CNTN3: variants seen among roughly 807,000 people sequenced by gnomAD.
CNTN3 encodes contactin 3, also known as contactin-3.
Under a neutral mutation model 119.1 loss-of-function variants are expected in CNTN3, and 60 were observed. The observed-to-expected ratio is 0.50, with a 90% CI of 0.41 to 0.62. CNTN3 has a LOEUF of 0.62. CNTN3 is among the 20% of genes least tolerant of loss of function. The probability of loss-of-function intolerance (pLI) is 0.00; values close to 1 mark genes in which losing one functional copy is unlikely to be tolerated. For synonymous variants in CNTN3, 450 were observed against 438.7 expected (o/e 1.03, Z -0.32); for missense variants, 1,101 against 1,242.4 (o/e 0.89, Z 1.71).
Position 74,378,265 on chromosome 3 carries a change from A to G in CNTN3, c.455-6866T>C, listed in dbSNP as rs1075109. Among the ~76,000 whole-genome samples the G allele has an allele frequency of 7.8e-4, 119 of 152,300 alleles. 2 individuals carry two copies. In the East Asian group the frequency reaches 0.021, roughly 27 times the overall value. ...AAAACTAAGGATAATTTAAGGTTCA[A>G]ATAACACATAGTCAATGGTTAGGAT... is the stretch of plus-strand genomic sequence containing the variant. On this transcript the variant is annotated intron_variant, in intron 5 of 22. Coordinates refer to ENST00000263665, the MANE Select transcript of CNTN3 (RefSeq NM_020872.3).
chr3:74,336,693 A>C, intron 11 of CNTN3, 35 bp from the exon 12 acceptor site: 1 of 1,513,082 alleles, frequency 6.6e-7, no homozygotes, highest in Non-Finnish European at 9.0e-7. Context: ...ATAAATATAT[A>C]ATAGCCATTT....
intron 4 of CNTN3, among the ~76,000 whole-genome samples, chr3:74,477,918 A>G (rs1319094342): frequency 6.6e-6 from 1 of 152,182 alleles, no homozygotes; most frequent in East Asian, 1.9e-4. Flanking sequence ...GGTGCAAGGG[A>G]AACAGTAAAC....
chr3:74,472,931 C>T (rs1163709931), intron 4 of CNTN3, among the ~76,000 whole-genome samples: 4 of 152,018 alleles, frequency 2.6e-5, no homozygotes, highest in Non-Finnish European at 4.4e-5. Flanking sequence ...AGCTAATTGT[C>T]GGTAATTTTT....
intron 4 of CNTN3, among the ~76,000 whole-genome samples, chr3:74,479,808 C>A (rs938009645): frequency 6.6e-6 from 1 of 151,916 alleles, no homozygotes; most frequent in Non-Finnish European, 1.5e-5. Flanking sequence ...ACTCTGATGG[C>A]TCTAGGATAT....
chr3:74,397,692 C>A (rs1705091125), intron 5 of CNTN3, among the ~76,000 whole-genome samples: 3 of 152,178 alleles, frequency 2.0e-5, no homozygotes, highest in Admixed American at 1.3e-4. Flanking sequence ...ATTGTAGGTG[C>A]CGTAGATGGT....
At chr3:74,608,111 G>A (rs1705022787) in intron 1 of CNTN3, among the ~76,000 whole-genome samples, 1 of 152,096 alleles carries the variant, frequency 6.6e-6, no homozygotes. Flanking sequence ...AAAACAAAAA[G>A]CTAAAAAATG....
intron 1 of CNTN3, among the ~76,000 whole-genome samples, chr3:74,551,602 T>C (rs1703991114): frequency 6.6e-6 from 1 of 152,008 alleles, no homozygotes; most frequent in African/African-American, 2.4e-5. Context: ...GCCCTAAAAA[T>C]CATCAGCATC....
chr3:74,330,287 C>A (rs1444836427), intron 13 of CNTN3, among the ~76,000 whole-genome samples: 4 of 151,098 alleles, frequency 2.6e-5, no homozygotes, highest in Non-Finnish European at 5.9e-5. Flanking sequence ...ACCTGGGAGG[C>A]AGAGGTTGCA....
chr3:74,568,113 C>A lies in CNTN3; in HGVS notation c.-81+46278G>T, dbSNP rs1481428133. 2.0e-5 allele frequency among the ~76,000 whole-genome samples: 3 copies of A among 152,006 alleles called. No individual in the cohort carries two copies. The East Asian group carries it at 5.8e-4, about 29-fold the overall frequency. On this transcript the variant is annotated intron_variant, in intron 1 of 22. Transcript: ENST00000263665. ...CTTTCTATTTTTGAAAAACAGATTCCCAGTGGGTCCAATTCTCACGCCTAT... is the reference window on the plus strand; with the variant it reads ...CTTTCTATTTTTGAAAAACAGATTCACAGTGGGTCCAATTCTCACGCCTAT...
chr3:74,548,156 T>C (rs913997392), intron 1 of CNTN3, among the ~76,000 whole-genome samples: 13 of 152,166 alleles, frequency 8.5e-5, no homozygotes, highest in Admixed American at 5.9e-4. Flanking sequence ...TCTATTTTTA[T>C]AACAAATCAG....
At chr3:74,511,166 T>C (rs1005609314) in intron 2 of CNTN3, among the ~76,000 whole-genome samples, 2 of 152,110 alleles carry the variant, frequency 1.3e-5, no homozygotes, top group African/African-American at 4.8e-5. Flanking sequence ...TCCAGAGATT[T>C]AGGCCTAAAG....
chr3:74,511,055 T>A (rs1030021402), intron 2 of CNTN3, among the ~76,000 whole-genome samples: 1 of 152,114 alleles, frequency 6.6e-6, no homozygotes, highest in African/African-American at 2.4e-5. Context: ...TGGTGGCTAT[T>A]GGGCCAAATC....
chr3:74,354,982 A>C (rs1028555238), intron 11 of CNTN3, among the ~76,000 whole-genome samples: 13 of 152,220 alleles, frequency 8.5e-5, no homozygotes, highest in South Asian at 4.1e-4. Context: ...TGGCTCAGCT[A>C]CCATCTCCAA....
intron 2 of CNTN3, among the ~76,000 whole-genome samples, chr3:74,519,312 A>G (rs564879466): frequency 6.6e-6 from 1 of 151,996 alleles, no homozygotes; most frequent in African/African-American, 2.4e-5. Flanking sequence ...GTTGACCTTT[A>G]AATTCTTTAT....
intron 5 of CNTN3, among the ~76,000 whole-genome samples, chr3:74,374,096 G>T (rs928292212): frequency 6.6e-6 from 1 of 152,016 alleles, no homozygotes; most frequent in African/African-American, 2.4e-5. Flanking sequence ...CCCCATGAAG[G>T]ATTTCTCTAA....
chr3:74,455,125 C>G (rs1423172931), intron 4 of CNTN3, among the ~76,000 whole-genome samples: 2 of 152,108 alleles, frequency 1.3e-5, no homozygotes, highest in East Asian at 1.9e-4. Context: ...TCCATTCTCC[C>G]CGTCACTTTC....
At chr3:74,515,404 T>C (rs1048894704) in intron 2 of CNTN3, among the ~76,000 whole-genome samples, 1 of 152,020 alleles carries the variant, frequency 6.6e-6, no homozygotes, top group African/African-American at 2.4e-5. Context: ...TCCACACTGG[T>C]GAGCATTTTC....
chr3:74,384,586 C>T (rs954046949), intron 5 of CNTN3, among the ~76,000 whole-genome samples: 4 of 152,148 alleles, frequency 2.6e-5, no homozygotes, highest in African/African-American at 7.2e-5. Context: ...TTTATTCTCC[C>T]TATTTTCCAA....
chr3:74,385,664 GGTT>G (rs1704728337), intron 5 of CNTN3, among the ~76,000 whole-genome samples: 1 of 152,130 alleles, frequency 6.6e-6, no homozygotes, highest in Non-Finnish European at 1.5e-5. Context: ...AGACAGCTCT[GGTT>G]GCCAACCTGT....
Sources: allele counts gnomAD v4.1 joint callset (sites outside exome capture counted in the v4.1 genomes callset), GRCh38; gene constraint gnomAD v4.1.1; transcripts MANE v1.5; gene names NCBI Gene and HGNC (gene_info 2026-07-23, HGNC 2026-07-21).